Variants in KAZN observed in about 807,000 individuals in gnomAD.
KAZN encodes the protein kazrin, periplakin interacting protein, also known as kazrin.
Under a neutral mutation model 87.4 loss-of-function variants are expected in KAZN, and 40 were observed. The ratio of observed to expected loss-of-function variants is 0.46; its 90% CI spans 0.36 to 0.60. The LOEUF is 0.60. Ranked by LOEUF, KAZN falls within the 20% of genes least tolerant of loss-of-function variation. The pLI is 0.00. For missense variants in KAZN, 898 were observed against 1,073.9 expected (o/e 0.84, Z 2.29); for synonymous variants, 466 against 458.3 (o/e 1.02, Z -0.22).
At chr1:14,185,284 C>G (rs1429092829) in intron 2 of KAZN, among the ~76,000 whole-genome samples, 2 of 152,176 alleles carry the variant, frequency 1.3e-5, no homozygotes, top group Non-Finnish European at 2.9e-5. Context: ...GGAAAACAGG[C>G]AAAGCTTTCA....
In KAZN at chr1:14,757,460, G is replaced by T. The variant is rs527907119; in HGVS notation, c.226+158237G>T. On this transcript the variant is annotated intron_variant, in intron 1 of 14. Transcript: ENST00000376030. ...CAGCTCTTCCACATACTAGCTCTGT[G>T]ACCTTGGGCGATTTAGTCAACCCTT... Among the ~76,000 whole-genome samples the T allele has an allele frequency of 4.5e-4, 68 of 152,284 alleles. 2 individuals carry two copies. Among genetic ancestry groups the T allele is most frequent in the African/African-American group, 1.6e-3 (65 of 41,556 alleles).
chr1:13,928,715 T>TG (rs1393870486), intron 1 of KAZN, among the ~76,000 whole-genome samples: 1 of 152,066 alleles, frequency 6.6e-6, no homozygotes, highest in Non-Finnish European at 1.5e-5. Flanking sequence ...GGGCATATTT[T>TG]GGGGAAAGAA....
At chr1:14,155,297 T>C (rs1645568391) in intron 1 of KAZN, among the ~76,000 whole-genome samples, 1 of 152,198 alleles carries the variant, frequency 6.6e-6, no homozygotes, top group Admixed American at 6.5e-5. Context: ...CCATGTCTTC[T>C]AGATTTTCCA....
chr1:14,712,074 G>A (rs1013926428), intron 1 of KAZN, among the ~76,000 whole-genome samples: 5 of 152,192 alleles, frequency 3.3e-5, no homozygotes. Context: ...AAGAGTAGGG[G>A]ATAAGGGGAG....
At chr1:15,043,795 A>C (rs1289735568) in intron 3 of KAZN, among the ~76,000 whole-genome samples, 194 bp from the exon 4 acceptor site, 1 of 151,830 alleles carries the variant, frequency 6.6e-6, no homozygotes, top group East Asian at 1.9e-4. Flanking sequence ...GGTGCCCGCC[A>C]CCATGCCTGG....
chr1:14,358,789 CTGTT>C (rs201518096), intron 2 of KAZN, among the ~76,000 whole-genome samples: 3,593 of 152,200 alleles, frequency 0.024, 134 homozygotes, highest in African/African-American at 0.081. Flanking sequence ...GTCTGAGAGA[CTGTT>C]TGTTATGATT....
chr1:13,928,777 T>C (rs567518825), intron 1 of KAZN, among the ~76,000 whole-genome samples: 5 of 152,302 alleles, frequency 3.3e-5, no homozygotes, highest in South Asian at 4.2e-4. Flanking sequence ...TTTCACAAAA[T>C]ATTTTGATCT....
chr1:14,991,460 GC>G (rs1185050166), intron 2 of KAZN, among the ~76,000 whole-genome samples: 5 of 152,184 alleles, frequency 3.3e-5, no homozygotes, highest in Non-Finnish European at 7.4e-5. Flanking sequence ...TGTCACAGTG[GC>G]CCTGTCAGAA....
chr1:14,153,025 C>T (rs10928039), intron 1 of KAZN, among the ~76,000 whole-genome samples: 26,904 of 152,038 alleles, frequency 0.18, 2,998 homozygotes, highest in East Asian at 0.33. Context: ...CTTTCGCCCA[C>T]TTAAAAATCA....
At chr1:14,398,641 G>A (rs1016518672) in intron 2 of KAZN, among the ~76,000 whole-genome samples, 17 of 152,164 alleles carry the variant, frequency 1.1e-4, no homozygotes, top group African/African-American at 4.1e-4. Context: ...ACTTTTCCCA[G>A]AAGAGGAAAC....
At chr1:14,322,992 C>CG (rs972719067) in intron 2 of KAZN, among the ~76,000 whole-genome samples, 1 of 152,086 alleles carries the variant, frequency 6.6e-6, no homozygotes, top group African/African-American at 2.4e-5. Flanking sequence ...CTTCACAAGG[C>CG]GGCAGGAAGG....
chr1:14,496,413 T>C lies in KAZN; in HGVS notation c.250-102570T>C, dbSNP rs949107122. Among the ~76,000 whole-genome samples the C allele has an allele frequency of 5.3e-5, 8 of 152,122 alleles. No individual in the cohort carries two copies. In the East Asian group the frequency reaches 1.4e-3, roughly 26 times the overall value. On this transcript the variant is annotated intron_variant, in intron 2 of 16. Transcript: ENST00000636203. ...GTGCTTGTGCATGCGAATATAAAAA[T>C]TGATATTCATAGACTCGTTAACCAC...
chr1:14,823,369 A>T (rs140695031), intron 1 of KAZN, among the ~76,000 whole-genome samples: 174 of 152,202 alleles, frequency 1.1e-3, no homozygotes, highest in Non-Finnish European at 2.2e-3. Flanking sequence ...AGCCCAGGAG[A>T]TACCCCAGTG....
chr1:14,522,737 C>G (rs1351591653), intron 2 of KAZN, among the ~76,000 whole-genome samples: 1 of 152,146 alleles, frequency 6.6e-6, no homozygotes, highest in African/African-American at 2.4e-5. Flanking sequence ...TATAACTCAT[C>G]GGAGAAAATA....
At chr1:14,183,965 G>A (rs1186095173) in intron 2 of KAZN, among the ~76,000 whole-genome samples, 1 of 152,028 alleles carries the variant, frequency 6.6e-6, no homozygotes, top group African/African-American at 2.4e-5. Flanking sequence ...CTAAAACTTG[G>A]CCTGTACTGG....
intron 1 of KAZN, among the ~76,000 whole-genome samples, chr1:14,833,795 G>T (rs72638325): frequency 6.6e-6 from 1 of 152,048 alleles, no homozygotes; most frequent in Non-Finnish European, 1.5e-5. Context: ...AGGTGTTGCC[G>T]CTCCAAGGCT....
intron 2 of KAZN, among the ~76,000 whole-genome samples, chr1:14,181,775 T>G (rs958321690): frequency 6.6e-6 from 1 of 152,186 alleles, no homozygotes; most frequent in African/African-American, 2.4e-5. Flanking sequence ...AAGGGAAATT[T>G]AGAAGAATTT....
intron 1 of KAZN, among the ~76,000 whole-genome samples, chr1:13,942,225 C>CT (rs1172384572): frequency 9.9e-5 from 15 of 151,968 alleles, no homozygotes; most frequent in African/African-American, 9.7e-5. Context: ...CAAAGCAGAA[C>CT]AAATTTTTTT....
chr1:15,012,558 G>A (rs1669681959), intron 2 of KAZN, among the ~76,000 whole-genome samples: 1 of 152,188 alleles, frequency 6.6e-6, no homozygotes, highest in Non-Finnish European at 1.5e-5. Flanking sequence ...GCAGGGCACA[G>A]CATAGGAATC....
Sources: gnomAD v4.1 joint callset for allele counts (sites outside exome capture counted in the v4.1 genomes callset) on GRCh38, gnomAD v4.1.1 for gene constraint, MANE v1.5 for transcripts, NCBI Gene and HGNC (gene_info 2026-07-23, HGNC 2026-07-21) for gene names.